ZBTB20: variants seen among roughly 807,000 people sequenced by gnomAD.
ZBTB20 encodes zinc finger and BTB domain containing 20, also known as zinc finger and BTB domain-containing protein 20.
ZBTB20 carries 9 observed loss-of-function variants against 56.9 expected under a neutral mutation model. That is an observed-to-expected ratio of 0.16 (90% CI 0.10 to 0.28). The LOEUF is 0.28. Among genes scored for constraint, ZBTB20 ranks in the 10% least tolerant of loss-of-function variants. The pLI is 1.00. For synonymous variants in ZBTB20, 417 were observed against 420.7 expected (o/e 0.99, Z 0.11); for missense variants, 655 against 1,003.0 (o/e 0.65, Z 4.69).
chr3:114,752,141 A>G (rs1024748011), intron 5 of ZBTB20, among the ~76,000 whole-genome samples: 2 of 152,180 alleles, frequency 1.3e-5, no homozygotes, highest in African/African-American at 4.8e-5. Context: ...CCGTAAATCC[A>G]ATTTAACAGA....
chr3:114,474,231 C>T (rs2040478206), intron 7 of ZBTB20, among the ~76,000 whole-genome samples: 1 of 152,138 alleles, frequency 6.6e-6, no homozygotes, highest in African/African-American at 2.4e-5. Flanking sequence ...AAACCATATC[C>T]CACAGGAATA....
At chr3:114,704,298 C>A (rs1429692861) in intron 5 of ZBTB20, among the ~76,000 whole-genome samples, 1 of 151,956 alleles carries the variant, frequency 6.6e-6, no homozygotes, top group East Asian at 1.9e-4. Context: ...TATGCTTATG[C>A]TTCTATTTGG....
intron 4 of ZBTB20, among the ~76,000 whole-genome samples, chr3:114,868,810 T>G (rs150777771): frequency 1.6e-4 from 24 of 152,276 alleles, no homozygotes; most frequent in African/African-American, 5.8e-4. Flanking sequence ...TTGGTTTGAT[T>G]ATTTTTTACT....
At chr3:114,732,565 G>T (rs2065838421) in intron 5 of ZBTB20, among the ~76,000 whole-genome samples, 1 of 152,138 alleles carries the variant, frequency 6.6e-6, no homozygotes, top group Non-Finnish European at 1.5e-5. Context: ...CAGTACTCCT[G>T]GGGAAGGCTA....
At chr3:114,380,100 G>A in intron 10 of ZBTB20, 117 bp downstream of exon 10, 1 of 1,111,900 alleles carries the variant, frequency 9.0e-7, no homozygotes, top group Admixed American at 3.4e-5. Context: ...ATTACTTTTG[G>A]CTGCTTTAGA....
At chr3:114,534,423 C>T (rs1474229270) in intron 6 of ZBTB20, among the ~76,000 whole-genome samples, 1 of 152,092 alleles carries the variant, frequency 6.6e-6, no homozygotes, top group Non-Finnish European at 1.5e-5. Context: ...GGGATCAATG[C>T]AACAAGAAGA....
intron 6 of ZBTB20, among the ~76,000 whole-genome samples, chr3:114,623,665 G>C (rs1359990636): frequency 6.6e-6 from 1 of 152,104 alleles, no homozygotes; most frequent in Admixed American, 6.6e-5. Flanking sequence ...TGCTTAGCTA[G>C]GCATGTAAGT....
chr3:114,755,662 CT>C (rs1365886130), intron 5 of ZBTB20, among the ~76,000 whole-genome samples: 1 of 151,798 alleles, frequency 6.6e-6, no homozygotes, highest in African/African-American at 2.4e-5. Flanking sequence ...TAATGGTGTC[CT>C]TTTTTTCTCT....
intron 10 of ZBTB20, among the ~76,000 whole-genome samples, chr3:114,355,800 A>T (rs1256709781): frequency 6.6e-6 from 1 of 151,908 alleles, no homozygotes; most frequent in African/African-American, 2.4e-5. Flanking sequence ...TCTTTCTTAG[A>T]TTGGCACTGA....
chr3:114,798,165 C>T (rs1253683145), intron 5 of ZBTB20, among the ~76,000 whole-genome samples: 2 of 151,710 alleles, frequency 1.3e-5, no homozygotes, highest in Non-Finnish European at 2.9e-5. Flanking sequence ...CACTATGGTT[C>T]TGTTCAGATT....
chr3:114,604,671 C>T (rs1044270877), intron 6 of ZBTB20, among the ~76,000 whole-genome samples: 4 of 151,868 alleles, frequency 2.6e-5, no homozygotes, highest in African/African-American at 7.3e-5. Context: ...TCTGGGTAAA[C>T]GTGGTAAAAA....
At position 114,850,115 on chromosome 3, in the gene ZBTB20, G is replaced by A. The variant is rs549757227; in HGVS notation, c.-416-48941C>T. 5.3e-5 allele frequency among the ~76,000 whole-genome samples: 8 copies of A among 152,050 alleles called. No individual in the cohort carries two copies. The East Asian group carries it at 1.5e-3, about 29-fold the overall frequency. On this transcript the variant is annotated intron_variant, in intron 4 of 11. Transcript: ENST00000675478. Reference sequence around the variant, plus strand: ...AGGTTTCACCATGTTGGCCAGGCTGGTGTTGAATTCCTGACCTCGAGTGAT... The same window carrying A: ...AGGTTTCACCATGTTGGCCAGGCTGATGTTGAATTCCTGACCTCGAGTGAT...
chr3:114,525,121 C>T (rs1353680087), intron 6 of ZBTB20, among the ~76,000 whole-genome samples: 1 of 152,160 alleles, frequency 6.6e-6, no homozygotes, highest in Non-Finnish European at 1.5e-5. Flanking sequence ...ACTAATCGCT[C>T]TCTAAACTTA....
At chr3:114,513,306 A>G (rs2045617414) in intron 6 of ZBTB20, among the ~76,000 whole-genome samples, 1 of 152,214 alleles carries the variant, frequency 6.6e-6, no homozygotes, top group African/African-American at 2.4e-5. Context: ...CGTACATGAC[A>G]CCAATCAATC....
chr3:114,965,600 A>T (rs931169692), intron 3 of ZBTB20, among the ~76,000 whole-genome samples: 2 of 152,152 alleles, frequency 1.3e-5, no homozygotes, highest in African/African-American at 4.8e-5. Flanking sequence ...ATGTTGTCAC[A>T]AATAACAGCA....
Position 114,339,029 on chromosome 3 carries a change from C to T in ZBTB20, c.2202G>A (p.Met734Ile). Residue 734 changes from methionine (M) to isoleucine (I), a missense_variant, in exon 12 of 12, where the codon ATG becomes ATA. Transcript: ENST00000675478. The surrounding 1 kb of genome is among the most constrained non-coding windows in gnomAD (Gnocchi z 4.2). ...FDQIEQFNDH[M>I]RMHVSDG ...CTTATCCGTCAGACACATGCATCCT[C>T]ATGTGGTCGTTGAACTGCTCGATTT... is the stretch of plus-strand genomic sequence containing the variant. The T allele has an allele frequency of 6.6e-7, 1 of 1,523,726 alleles. No homozygotes were observed. The highest frequency in any genetic ancestry group is 1.4e-5 in the African/African-American group (1 of 72,264). 94.4% of individuals were successfully genotyped at this position (1,523,726 alleles called of 1,614,324 possible). A position where few individuals can be genotyped will look rare whatever the true frequency, so the allele number is the denominator to read the frequency against.
At chr3:114,647,991 A>T (rs973547165) in intron 6 of ZBTB20, among the ~76,000 whole-genome samples, 2 of 152,160 alleles carry the variant, frequency 1.3e-5, no homozygotes, top group African/African-American at 4.8e-5. Context: ...CTAGATTATT[A>T]AAGTTAACCT....
chr3:114,861,495 A>G (rs2075526804), intron 4 of ZBTB20, among the ~76,000 whole-genome samples: 1 of 152,154 alleles, frequency 6.6e-6, no homozygotes, highest in African/African-American at 2.4e-5. Context: ...AGAAGGTATC[A>G]CCTACAATGA....
intron 6 of ZBTB20, among the ~76,000 whole-genome samples, chr3:114,647,202 C>T (rs1204036003): frequency 1.3e-5 from 2 of 152,152 alleles, no homozygotes; most frequent in Non-Finnish European, 2.9e-5. Flanking sequence ...TTGTAATCCA[C>T]CCGCCTTGGC....
Sources: gnomAD v4.1 joint callset for allele counts (sites outside exome capture counted in the v4.1 genomes callset) on GRCh38, gnomAD v4.1.1 for gene constraint, Gnocchi (gnomAD v3.1) non-coding constraint, MANE v1.5 for transcripts, NCBI Gene and HGNC (gene_info 2026-07-23, HGNC 2026-07-21) for gene names.